MLLT10: variants seen among roughly 807,000 people sequenced by gnomAD.
MLLT10 encodes MLLT10 histone lysine methyltransferase DOT1L cofactor, also known as protein AF-10.
A neutral mutation model predicts 129.1 loss-of-function variants in MLLT10; 30 were observed. That is an observed-to-expected ratio of 0.23 (90% CI 0.17 to 0.32). The LOEUF is 0.32. MLLT10 is among the 10% of genes least tolerant of loss of function. MLLT10 has a pLI of 1.00. For missense variants in MLLT10, 1,119 were observed against 1,268.3 expected (o/e 0.88, Z 1.79); for synonymous variants, 490 against 446.4 (o/e 1.10, Z -1.23).
intron 4 of MLLT10, among the ~76,000 whole-genome samples, chr10:21,592,282 G>T (rs1417819466): frequency 2.6e-5 from 4 of 152,004 alleles, no homozygotes; most frequent in Non-Finnish European, 5.9e-5. Flanking sequence ...CTTCCTTCTG[G>T]AATCATTTTC....
At chr10:21,552,662 G>C (rs1199213176) in intron 3 of MLLT10, among the ~76,000 whole-genome samples, 2 of 152,196 alleles carry the variant, frequency 1.3e-5, no homozygotes, top group South Asian at 4.1e-4. Context: ...AAAGTGCTAG[G>C]ATTACAGGCG....
intron 8 of MLLT10, among the ~76,000 whole-genome samples, chr10:21,648,406 G>A (rs371104553): frequency 6.6e-6 from 1 of 152,146 alleles, no homozygotes; most frequent in African/African-American, 2.4e-5. Context: ...ACATGTACAT[G>A]TGTATTTTTT....
At chr10:21,540,835 C>G (rs529650299) in intron 3 of MLLT10, among the ~76,000 whole-genome samples, 1 of 152,234 alleles carries the variant, frequency 6.6e-6, no homozygotes, top group African/African-American at 2.4e-5. Context: ...AAAGCAGAAG[C>G]TTTTGTGTTT....
intron 13 of MLLT10, among the ~76,000 whole-genome samples, chr10:21,705,542 A>G (rs1181197469): frequency 6.6e-6 from 1 of 152,136 alleles, no homozygotes; most frequent in Admixed American, 6.5e-5. Context: ...TTGCCCTGTC[A>G]CTGGAGAGCC....
Position 21,742,111 on chromosome 10 carries a change from T to A in MLLT10, c.*128T>A. ...ACTCAATGCACAACAAAGGATTAATTGCTGCAAGGACATTCTTGTAAGGCT... is the reference window on the plus strand; with the variant it reads ...ACTCAATGCACAACAAAGGATTAATAGCTGCAAGGACATTCTTGTAAGGCT... On this transcript the variant is annotated 3_prime_UTR_variant, in exon 23 of 23. Coordinates refer to ENST00000307729, the MANE Select transcript of MLLT10 (RefSeq NM_001195626.3). The A allele has an allele frequency of 1.3e-6, 1 of 789,448 alleles. No homozygotes were observed. The highest frequency in any genetic ancestry group is 1.9e-5 in the South Asian group (1 of 53,766). 48.9% of individuals were successfully genotyped at this position (789,448 alleles called of 1,614,324 possible).
intron 9 of MLLT10, among the ~76,000 whole-genome samples, chr10:21,669,228 A>G (rs1325853330): frequency 6.6e-6 from 1 of 152,048 alleles, no homozygotes; most frequent in East Asian, 1.9e-4. Context: ...AATATCTGTT[A>G]TTGGCACTGA....
intron 9 of MLLT10, among the ~76,000 whole-genome samples, chr10:21,657,577 T>C (rs2049739924): frequency 1.3e-5 from 2 of 152,084 alleles, no homozygotes; most frequent in African/African-American, 4.8e-5. Flanking sequence ...TTACCTTTCA[T>C]TATTATTAGA....
At chr10:21,722,304 T>C (rs76606663) in intron 14 of MLLT10, among the ~76,000 whole-genome samples, 2 of 152,308 alleles carry the variant, frequency 1.3e-5, no homozygotes, top group Non-Finnish European at 2.9e-5. Flanking sequence ...CAGGTTAAGA[T>C]TGAAATGTCA....
chr10:21,535,424 TCCGTTGCTGA>T (rs1218882561), intron 2 of MLLT10, among the ~76,000 whole-genome samples: 1 of 151,646 alleles, frequency 6.6e-6, no homozygotes, highest in Non-Finnish European at 1.5e-5. Flanking sequence ...GATGGCGGAG[TCCGTTGCTGA>T]CCATGCGGGA....
chr10:21,683,172 C>G (rs2052921668), intron 13 of MLLT10, among the ~76,000 whole-genome samples: 1 of 152,118 alleles, frequency 6.6e-6, no homozygotes, highest in South Asian at 2.1e-4. Context: ...GCATAATGAG[C>G]AGGCATAGAC....
intron 8 of MLLT10, among the ~76,000 whole-genome samples, chr10:21,621,025 C>A (rs1022284544): frequency 6.6e-6 from 1 of 151,928 alleles, no homozygotes; most frequent in Non-Finnish European, 1.5e-5. Context: ...TGCTCTGTTG[C>A]CTAGGCTGGA....
rs75894040 is a variant in MLLT10, at chr10:21,595,841, A to G, written c.405+401A>G. Among the ~76,000 whole-genome samples, 74 of 152,146 alleles carry G rather than the reference A, an allele frequency of 4.9e-4. No homozygotes were observed. The East Asian group carries it at 9.1e-3, about 19-fold the overall frequency. On this transcript the variant is annotated intron_variant, in intron 5 of 22. Coordinates refer to ENST00000307729, the MANE Select transcript of MLLT10 (RefSeq NM_001195626.3). ...TTTTTGAAGAACAGTCCTATATTAG[A>G]ATGTTACTTGTCTCCTCCTCCCAAA...
chr10:21,552,763 CT>C (rs2037294796), intron 3 of MLLT10, among the ~76,000 whole-genome samples: 1 of 152,014 alleles, frequency 6.6e-6, no homozygotes, highest in African/African-American at 2.4e-5. Flanking sequence ...TTTTCCTTTC[CT>C]TCCTTTTATC....
intron 8 of MLLT10, among the ~76,000 whole-genome samples, chr10:21,646,852 C>CTT (rs1564570258): frequency 4.0e-5 from 6 of 150,080 alleles, no homozygotes; most frequent in African/African-American, 1.5e-4. Context: ...CTGACTATTC[C>CTT]CTTTTTTTTT....
chr10:21,704,406 A>C (rs1281167739), intron 13 of MLLT10, among the ~76,000 whole-genome samples: 1 of 148,714 alleles, frequency 6.7e-6, no homozygotes, highest in African/African-American at 2.5e-5. Flanking sequence ...TTACAGAATA[A>C]AAATAAATAA....
intron 8 of MLLT10, among the ~76,000 whole-genome samples, chr10:21,645,892 G>A (rs1209254117): frequency 6.6e-6 from 1 of 152,132 alleles, no homozygotes; most frequent in Non-Finnish European, 1.5e-5. Context: ...TGTTTGTCTT[G>A]CACTAAACTT....
In MLLT10 at chr10:21,670,677, G is replaced by C; in HGVS notation, c.1024G>C (p.Val342Leu). Reference sequence around the variant, plus strand: ...TGGTGGAAGAAATCCAGGAACAACTGTGTCAGCAGCTAGCCCTTTTCCTCA... The same window carrying C: ...TGGTGGAAGAAATCCAGGAACAACTCTGTCAGCAGCTAGCCCTTTTCCTCA... Reference protein sequence around the residue: ...PGGGRNPGTTVSAASPFPQGS... With the variant: ...PGGGRNPGTTLSAASPFPQGS... Residue 342 changes from valine (V) to leucine (L), a missense_variant, in exon 10 of 23, where the codon GTG becomes CTG. Physicochemically the swap from Val to Leu is conservative, Grantham distance 32. Around this residue, in one of 5 missense-constraint regions of MLLT10, gnomAD observed 1,004 missense variants for 1,008.7 expected, o/e 1.00. Coordinates refer to ENST00000307729, the MANE Select transcript of MLLT10 (RefSeq NM_001195626.3). 6.2e-7 allele frequency: 1 copy of C among 1,614,052 alleles called. No homozygotes were observed. The highest frequency in any genetic ancestry group is 8.5e-7 in the Non-Finnish European group (1 of 1,179,996).
intron 3 of MLLT10, among the ~76,000 whole-genome samples, chr10:21,573,509 C>T (rs954677683): frequency 1.1e-4 from 17 of 151,804 alleles, no homozygotes; most frequent in Non-Finnish European, 2.4e-4. Flanking sequence ...TGAGATAATG[C>T]TATGTTTTTA....
chr10:21,718,514 C>A (rs2056908477), intron 14 of MLLT10, among the ~76,000 whole-genome samples: 1 of 152,056 alleles, frequency 6.6e-6, no homozygotes. Flanking sequence ...AGACTGAATG[C>A]AATGAAACAT....
Sources: allele counts gnomAD v4.1 joint callset (sites outside exome capture counted in the v4.1 genomes callset), GRCh38; gene constraint gnomAD v4.1.1; regional missense constraint gnomAD v4.1.1; transcripts MANE v1.5; gene names NCBI Gene and HGNC (gene_info 2026-07-23, HGNC 2026-07-21).